Variants in TEX14 observed in about 807,000 individuals in gnomAD.
The protein encoded by TEX14 is testis expressed 14, intercellular bridge forming factor, also known as inactive serine/threonine-protein kinase TEX14.
A neutral mutation model predicts 178.6 loss-of-function variants in TEX14; 168 were observed. The ratio of observed to expected loss-of-function variants is 0.94; its 90% CI spans 0.83 to 1.07. The LOEUF is 1.07. Ranked by LOEUF, TEX14 falls within the 50% of genes least tolerant of loss-of-function variation. The pLI is 0.00. For missense variants in TEX14, 1,730 were observed against 1,753.6 expected (o/e 0.99, Z 0.24); for synonymous variants, 626 against 634.1 (o/e 0.99, Z 0.19).
chr17:58,631,900 A>G (rs1301418852), intron 2 of TEX14: 1 of 152,352 alleles, frequency 6.6e-6, no homozygotes, highest in Non-Finnish European at 1.5e-5. Flanking sequence ...GATGGTGAGT[A>G]TTTCGTGAGC....
chr17:58,675,415 A>T (rs2047379655), intron 1 of TEX14: 1 of 154,706 alleles, frequency 6.5e-6, no homozygotes, highest in African/African-American at 2.4e-5. Context: ...TAAGAGATGT[A>T]AGCATTTTGA....
In TEX14 at chr17:58,659,303, CATT is replaced by C. The variant is rs368743322; in HGVS notation, c.-1-7304_-1-7302del. ...CAGCGTCTCTCCCCCGCCACAAAGA[CATT>C]ATTTACTTAATATTGCTAATACCTT... On this transcript the variant is annotated intron_variant, in intron 1 of 31. Transcript: ENST00000349033. 6.4e-4 allele frequency: 618 copies of C among 972,820 alleles called. 1 individual carries two copies. The African/African-American group carries it at 6.4e-3, about 10-fold the overall frequency. The allele number at this position is 972,820 out of a possible 1,614,324, so 60.3% of individuals were successfully genotyped here.
chr17:58,687,091 A>C (rs1290875286), intron 1 of TEX14, among the ~76,000 whole-genome samples: 1 of 151,972 alleles, frequency 6.6e-6, no homozygotes, highest in East Asian at 1.9e-4. Context: ...TGGAGGCTCT[A>C]TGATCAAACA....
chr17:58,561,952 G>A (rs1017514347), intron 28 of TEX14, among the ~76,000 whole-genome samples: 13 of 152,226 alleles, frequency 8.5e-5, no homozygotes, highest in South Asian at 2.1e-4. Context: ...CGGCGTGGTC[G>A]CGTGCGCCTG....
chr17:58,624,841 G>A (rs997483622), intron 3 of TEX14, among the ~76,000 whole-genome samples: 1 of 152,194 alleles, frequency 6.6e-6, no homozygotes. Context: ...CAAAAGCACA[G>A]ATTCTCAGAC....
At chr17:58,659,897 A>C (rs999149469) in intron 1 of TEX14, among the ~76,000 whole-genome samples, 1 of 151,412 alleles carries the variant, frequency 6.6e-6, no homozygotes, top group African/African-American at 2.4e-5. Context: ...GGGTTTCACC[A>C]TGGTGGTCAG....
In TEX14 at chr17:58,602,341, C is replaced by G. The variant is rs1261730065; in HGVS notation, c.1527+59G>C. Reference sequence around the variant, plus strand: ...GTCTCTAGCTTCATCTTGTCTCTAACTCCCTATTCTCCTGAGTTAGGTAAG... The same window carrying G: ...GTCTCTAGCTTCATCTTGTCTCTAAGTCCCTATTCTCCTGAGTTAGGTAAG... On this transcript the variant is annotated intron_variant, in intron 12 of 31. Coordinates refer to ENST00000349033, the MANE Select transcript of TEX14 (RefSeq NM_031272.5). The G allele has an allele frequency of 6.3e-5, 94 of 1,482,358 alleles. 1 individual carries two copies. In the South Asian group the frequency reaches 7.6e-4, roughly 12 times the overall value. The allele number at this position is 1,482,358 out of a possible 1,614,324, so 91.8% of individuals were successfully genotyped here.
In TEX14 at chr17:58,644,119, G is replaced by A. The variant is rs1369261704; in HGVS notation, c.136+7747C>T. Among the ~76,000 whole-genome samples, 3 of 151,986 alleles carry A rather than the reference G, an allele frequency of 2.0e-5. No individual in the cohort carries two copies. In the East Asian group the frequency reaches 5.8e-4, roughly 29 times the overall value. ...CATTAACCTCTAGGGAGAGGAGAGG[G>A]GCTGGAGACTGAGTTTAATCACCAA... On this transcript the variant is annotated intron_variant, in intron 2 of 31. Coordinates refer to ENST00000349033, the MANE Select transcript of TEX14 (RefSeq NM_031272.5).
intron 10 of TEX14, among the ~76,000 whole-genome samples, chr17:58,608,160 G>A (rs917934369): frequency 1.3e-5 from 2 of 152,176 alleles, no homozygotes; most frequent in African/African-American, 2.4e-5. Flanking sequence ...GCTCACGCCT[G>A]TATTCCCAGC....
rs2045208867 is a variant in TEX14 at position 58,593,553 on chromosome 17, A to C, written c.2576+2T>G. 2 of 1,611,322 alleles carry C rather than the reference A, an allele frequency of 1.2e-6. No individual in the cohort carries two copies. The highest frequency in any genetic ancestry group is 1.3e-5 in the African/African-American group (1 of 74,996). On this transcript the variant is annotated splice_donor_variant, in intron 15 of 31. Transcript: ENST00000349033. LOFTEE classifies it high-confidence loss of function. ...ATTAAGAACAACAAAATGTTGACCC[A>C]CCTACTGGTATTTTGGATCCTGCTT...
chr17:58,686,255 T>G (rs2047588714), intron 1 of TEX14, among the ~76,000 whole-genome samples: 1 of 152,168 alleles, frequency 6.6e-6, no homozygotes, highest in Non-Finnish European at 1.5e-5. Flanking sequence ...GAAGGATCTC[T>G]TTCTTGAGCC....
At chr17:58,562,136 T>C (rs1402447501) in intron 28 of TEX14, among the ~76,000 whole-genome samples, 1 of 152,084 alleles carries the variant, frequency 6.6e-6, no homozygotes, top group African/African-American at 2.4e-5. Context: ...AATAGTCCTT[T>C]AATCCCTTGA....
At chr17:58,649,653 A>T (rs143251261) in intron 2 of TEX14, among the ~76,000 whole-genome samples, 125 of 152,322 alleles carry the variant, frequency 8.2e-4, no homozygotes, top group African/African-American at 2.8e-3. Context: ...ACTAAAAAAA[A>T]GTGATGTTCA....
intron 1 of TEX14, among the ~76,000 whole-genome samples, chr17:58,681,296 G>C (rs2047496721): frequency 6.6e-6 from 1 of 151,878 alleles, no homozygotes; most frequent in African/African-American, 2.4e-5. Context: ...TAAAAATCTT[G>C]CTAAACAAGC....
intron 1 of TEX14, among the ~76,000 whole-genome samples, chr17:58,656,760 A>AG (rs1177231198): frequency 6.7e-6 from 1 of 150,104 alleles, no homozygotes; most frequent in African/African-American, 2.5e-5. Flanking sequence ...TCAAAAAAAA[A>AG]AAAAAGAAAA....
chr17:58,614,334 A>C (rs975560415), intron 8 of TEX14, among the ~76,000 whole-genome samples: 3 of 152,166 alleles, frequency 2.0e-5, no homozygotes, highest in Non-Finnish European at 2.9e-5. Flanking sequence ...TACTGAAAAT[A>C]CAAAAGTTAG....
chr17:58,660,825 C>A (rs770755384), intron 1 of TEX14: 3 of 783,530 alleles, frequency 3.8e-6, no homozygotes, highest in African/African-American at 1.7e-5. Context: ...GGATAGCCAG[C>A]GCCAAATACT....
chr17:58,573,081 AAC>A (rs1407679354), intron 23 of TEX14, 98 bp downstream of exon 23: 10 of 1,509,092 alleles, frequency 6.6e-6, no homozygotes, highest in Non-Finnish European at 9.0e-6. Context: ...GCACTATGAC[AAC>A]ACAGCCACCA....
chr17:58,595,402 C>T (rs1239455482), intron 14 of TEX14, among the ~76,000 whole-genome samples: 3 of 152,188 alleles, frequency 2.0e-5, no homozygotes, highest in Admixed American at 6.5e-5. Context: ...CACCCTGCCA[C>T]GCCTCCTATA....
Sources: allele counts gnomAD v4.1 joint callset (sites outside exome capture counted in the v4.1 genomes callset), GRCh38; gene constraint gnomAD v4.1.1; transcripts MANE v1.5; gene names NCBI Gene and HGNC (gene_info 2026-07-23, HGNC 2026-07-21).